TTC23: variants seen among roughly 807,000 people sequenced by gnomAD.
The protein encoded by TTC23 is tetratricopeptide repeat domain 23, also known as tetratricopeptide repeat protein 23.
TTC23 carries 58 observed loss-of-function variants against 55.1 expected under a neutral mutation model. The ratio of observed to expected loss-of-function variants is 1.05; its 90% CI spans 0.85 to 1.31. The LOEUF (loss-of-function observed/expected upper bound fraction) is 1.31, where lower values mean the gene tolerates loss of function less well. TTC23 is among the 50% of genes most tolerant of loss of function. TTC23 has a pLI of 0.00. For synonymous variants in TTC23, 203 were observed against 199.9 expected (o/e 1.02, Z -0.13); for missense variants, 516 against 534.4 (o/e 0.97, Z 0.34).
intron 5 of TTC23, among the ~76,000 whole-genome samples, chr15:99,226,729 G>T (rs1289461973): frequency 6.6e-6 from 1 of 152,066 alleles, no homozygotes; most frequent in African/African-American, 2.4e-5. Flanking sequence ...CTTTCCCTCA[G>T]CTCCTCCACA....
intron 9 of TTC23, among the ~76,000 whole-genome samples, chr15:99,198,581 T>C (rs866353615): frequency 6.6e-6 from 1 of 152,206 alleles, no homozygotes; most frequent in Admixed American, 6.5e-5. Context: ...AGAACAATCT[T>C]TCTTAAGTAT....
chr15:99,232,062 G>A (rs2078979380), intron 4 of TTC23, among the ~76,000 whole-genome samples: 1 of 151,892 alleles, frequency 6.6e-6, no homozygotes, highest in Admixed American at 6.6e-5. Flanking sequence ...AAAGTGCTGG[G>A]ATTACAGGCA....
intron 5 of TTC23, 80 bp from the exon 6 acceptor site, chr15:99,221,944 C>A: frequency 6.6e-7 from 1 of 1,523,194 alleles, no homozygotes; most frequent in Non-Finnish European, 8.9e-7. Flanking sequence ...TTTTATATCC[C>A]TTTGATAAAT....
At chr15:99,220,117 C>T (rs1013848772) in intron 6 of TTC23, among the ~76,000 whole-genome samples, 1 of 152,170 alleles carries the variant, frequency 6.6e-6, no homozygotes, top group African/African-American at 2.4e-5. Context: ...CTGGAGGCAG[C>T]ATAGGGTGAA....
chr15:99,190,181 AAAAGAAAG>A lies in TTC23; in HGVS notation c.759+9730_759+9737del, dbSNP rs57945122. On this transcript the variant is annotated intron_variant, in intron 9 of 13. Transcript: ENST00000394132. ...GGTGACAAAGCAAGACCTGTCTAAA[AAAAGAAAG>A]AAAGAAAGAAAGAAAGAAAATTCCT... Among the ~76,000 whole-genome samples, 16 of 148,608 alleles carry A rather than the reference AAAAGAAAG, an allele frequency of 1.1e-4. 1 individual carries two copies. The highest frequency in any genetic ancestry group is 3.2e-4 in the African/African-American group (13 of 40,014).
At chr15:99,144,227 C>G (rs187755) in intron 12 of TTC23, among the ~76,000 whole-genome samples, 115,862 of 152,096 alleles carry the variant, frequency 0.76, 44,281 homozygotes, top group African/African-American at 0.81. Context: ...AGCCAAGAAA[C>G]CTGGGATAGG....
chr15:99,204,478 C>T (rs1044978930), intron 8 of TTC23, among the ~76,000 whole-genome samples: 9 of 151,914 alleles, frequency 5.9e-5, no homozygotes, highest in African/African-American at 1.9e-4. Flanking sequence ...TGCAGAAGGC[C>T]TTTTAGCTTG....
intron 1 of TTC23, among the ~76,000 whole-genome samples, chr15:99,247,723 A>C (rs1352013101): frequency 2.2e-5 from 2 of 92,904 alleles, no homozygotes; most frequent in African/African-American, 8.8e-5. Flanking sequence ...GCAAATGGGC[A>C]CAAAGTATTT....
intron 10 of TTC23, among the ~76,000 whole-genome samples, chr15:99,162,083 C>T (rs963223335): frequency 6.6e-6 from 1 of 152,190 alleles, no homozygotes; most frequent in South Asian, 2.1e-4. Context: ...AATTTTCATA[C>T]ATCTAGCTTT....
intron 8 of TTC23, among the ~76,000 whole-genome samples, chr15:99,213,439 G>C (rs1487773821): frequency 6.6e-6 from 1 of 152,228 alleles, no homozygotes; most frequent in East Asian, 1.9e-4. Flanking sequence ...CAGAGGAGGT[G>C]CCAGAGGATC....
chr15:99,213,008 G>GAAAAA (rs1567501244), intron 8 of TTC23, among the ~76,000 whole-genome samples: 31 of 104,464 alleles, frequency 3.0e-4, no homozygotes, highest in East Asian at 1.9e-3. Context: ...AAAAAAAAAG[G>GAAAAA]GGGGGACATA....
At chr15:99,240,878 CA>C (rs923242640) in intron 3 of TTC23, among the ~76,000 whole-genome samples, 156 of 151,528 alleles carry the variant, frequency 1.0e-3, no homozygotes, top group African/African-American at 3.6e-3. Context: ...GTTCAAATGC[CA>C]AAAAAAATGT....
chr15:99,182,487 G>A (rs1484404488), intron 9 of TTC23, among the ~76,000 whole-genome samples: 1 of 152,046 alleles, frequency 6.6e-6, no homozygotes, highest in Non-Finnish European at 1.5e-5. Context: ...TGTTTCTACT[G>A]AGTTGTCTTT....
intron 8 of TTC23, among the ~76,000 whole-genome samples, chr15:99,216,216 T>A (rs1372753221): frequency 6.6e-6 from 1 of 152,226 alleles, no homozygotes; most frequent in Admixed American, 6.5e-5. Context: ...GAGTAATTTA[T>A]AAACTGAGTT....
At chr15:99,203,930 T>C (rs189964625) in intron 8 of TTC23, among the ~76,000 whole-genome samples, 1 of 152,312 alleles carries the variant, frequency 6.6e-6, no homozygotes, top group African/African-American at 2.4e-5. Context: ...AGGTTGGCCA[T>C]TGTGAATAGT....
intron 9 of TTC23, among the ~76,000 whole-genome samples, chr15:99,182,282 ACAC>A: frequency 6.6e-6 from 1 of 151,410 alleles, no homozygotes; most frequent in African/African-American, 2.4e-5. Flanking sequence ...ACACACACAC[ACAC>A]ACACATAATC....
intron 2 of TTC23, among the ~76,000 whole-genome samples, chr15:99,241,822 C>T (rs1156478950): frequency 6.6e-6 from 1 of 152,104 alleles, no homozygotes; most frequent in Non-Finnish European, 1.5e-5. Flanking sequence ...GCCCTCAGGG[C>T]AGTGGCTTTT....
chr15:99,226,600 C>G (rs2078441004), intron 5 of TTC23, among the ~76,000 whole-genome samples: 1 of 152,210 alleles, frequency 6.6e-6, no homozygotes, highest in Non-Finnish European at 1.5e-5. Flanking sequence ...CCTAAGTGAA[C>G]TGACAGCCTC....
At chr15:99,173,169 A>G (rs970422750) in intron 10 of TTC23, among the ~76,000 whole-genome samples, 1 of 152,216 alleles carries the variant, frequency 6.6e-6, no homozygotes, top group African/African-American at 2.4e-5. Context: ...TACGCCCCCA[A>G]GGAAAACAGG....
Sources: allele counts gnomAD v4.1 joint callset (sites outside exome capture counted in the v4.1 genomes callset), GRCh38; gene constraint gnomAD v4.1.1; transcripts MANE v1.5; gene names NCBI Gene and HGNC (gene_info 2026-07-23, HGNC 2026-07-21).